The following CMSS1 variants were observed in gnomAD, a reference collection of about 807,000 sequenced individuals.
The protein encoded by CMSS1 is protein CMSS1.
CMSS1 carries 33 observed loss-of-function variants against 43.5 expected under a neutral mutation model. The observed-to-expected ratio is 0.76, with a 90% CI of 0.57 to 1.01. CMSS1 has a LOEUF of 1.01. Ranked by LOEUF, CMSS1 falls within the 50% of genes least tolerant of loss-of-function variation. The pLI is 0.00. For synonymous variants in CMSS1, 115 were observed against 117.2 expected, an observed-to-expected ratio of 0.98 and a Z score of 0.12; for missense variants, 313 against 326.4, an observed-to-expected ratio of 0.96 and a Z score of 0.32.
chr3:99,889,117 TAAAG>T (rs1451147524), intron 1 of CMSS1, among the ~76,000 whole-genome samples: 2 of 152,176 alleles, frequency 1.3e-5, no homozygotes, highest in Non-Finnish European at 2.9e-5. Flanking sequence ...TGTATATAAA[TAAAG>T]CTTGTTAATT....
At chr3:99,975,272 T>C (rs1268407553) in intron 1 of CMSS1, among the ~76,000 whole-genome samples, 3 of 152,198 alleles carry the variant, frequency 2.0e-5, no homozygotes, top group African/African-American at 7.2e-5. Flanking sequence ...TCCTTCTAGT[T>C]CGAGGAACTG....
intron 1 of CMSS1, among the ~76,000 whole-genome samples, chr3:99,841,366 T>C (rs993290674): frequency 1.3e-5 from 2 of 152,214 alleles, no homozygotes; most frequent in African/African-American, 4.8e-5. Context: ...AGAAAAATAA[T>C]GTAGATAACC....
At chr3:100,026,076 GT>G (rs2064915083) in intron 1 of CMSS1, among the ~76,000 whole-genome samples, 1 of 152,110 alleles carries the variant, frequency 6.6e-6, no homozygotes, top group African/African-American at 2.4e-5. Context: ...TGAAAGAGGA[GT>G]TTTTTTCAAG....
intron 6 of CMSS1, among the ~76,000 whole-genome samples, chr3:100,169,260 C>A (rs376068513): frequency 6.6e-6 from 1 of 152,192 alleles, no homozygotes; most frequent in Non-Finnish European, 1.5e-5. Flanking sequence ...CTTGCACATA[C>A]GTTTTCATTT....
At chr3:100,175,660 C>T (rs576598849) in intron 8 of CMSS1, among the ~76,000 whole-genome samples, 1 of 152,244 alleles carries the variant, frequency 6.6e-6, no homozygotes, top group Non-Finnish European at 1.5e-5. Context: ...GTACTGTTAA[C>T]ACAAGAGACG....
At chr3:99,974,391 A>G (rs1708907983) in intron 1 of CMSS1, among the ~76,000 whole-genome samples, 2 of 152,206 alleles carry the variant, frequency 1.3e-5, no homozygotes, top group South Asian at 4.1e-4. Flanking sequence ...TATCAGGTCA[A>G]AAAACTTAGA....
intron 1 of CMSS1, among the ~76,000 whole-genome samples, chr3:100,009,606 G>A (rs776960035): frequency 8.5e-5 from 13 of 152,152 alleles, no homozygotes; most frequent in Non-Finnish European, 1.8e-4. Context: ...ATGAACATCA[G>A]TATTCACTTT....
At chr3:99,997,002 G>A (rs1374509265) in intron 1 of CMSS1, among the ~76,000 whole-genome samples, 1 of 152,166 alleles carries the variant, frequency 6.6e-6, no homozygotes, top group African/African-American at 2.4e-5. Context: ...CACAAGCAGT[G>A]CTAAATGGAA....
chr3:99,984,743 A>G (rs556826653), intron 1 of CMSS1, among the ~76,000 whole-genome samples: 4 of 152,342 alleles, frequency 2.6e-5, no homozygotes, highest in South Asian at 2.1e-4. Context: ...AGAAAGATCT[A>G]TGTTTTACTC....
At chr3:100,002,395 A>T (rs1709868165) in intron 1 of CMSS1, among the ~76,000 whole-genome samples, 1 of 152,208 alleles carries the variant, frequency 6.6e-6, no homozygotes, top group African/African-American at 2.4e-5. Flanking sequence ...TCTGTGGCTT[A>T]GACTGGAGTA....
intron 2 of CMSS1, among the ~76,000 whole-genome samples, chr3:100,157,055 C>G (rs1380055739): frequency 1.3e-5 from 2 of 152,060 alleles, no homozygotes; most frequent in Non-Finnish European, 1.5e-5. Context: ...CATGCCAAGC[C>G]CCCTACTGTT....
At chr3:100,031,028 T>C (rs748319315) in intron 1 of CMSS1, among the ~76,000 whole-genome samples, 8 of 152,206 alleles carry the variant, frequency 5.3e-5, no homozygotes. Context: ...TCTCTGTTAC[T>C]CTCTTCCTAA....
At chr3:99,884,737 T>G (rs1705838047) in intron 1 of CMSS1, among the ~76,000 whole-genome samples, 1 of 152,262 alleles carries the variant, frequency 6.6e-6, no homozygotes, top group Non-Finnish European at 1.5e-5. Context: ...CTATTGCCTA[T>G]TGACTGTTAG....
At chr3:99,999,661 A>G (rs567842642) in intron 1 of CMSS1, among the ~76,000 whole-genome samples, 20 of 152,290 alleles carry the variant, frequency 1.3e-4, no homozygotes, top group African/African-American at 4.8e-4. Context: ...CACATCAAAG[A>G]AGTCTGTCAC....
At chr3:99,825,131 T>C (rs1294632556) in intron 1 of CMSS1, among the ~76,000 whole-genome samples, 1 of 152,248 alleles carries the variant, frequency 6.6e-6, no homozygotes, top group African/African-American at 2.4e-5. Flanking sequence ...TCTCTACATA[T>C]AAAATTCAGA....
rs148942588 is a variant in CMSS1, at chr3:100,076,144, T to A, written c.65-70829T>A. ...TTAAGAAATATATTTGTTAGTTATC[T>A]TGCCCGGAAAACCCTTAAAAATGTA... is the stretch of plus-strand genomic sequence containing the variant. On this transcript the variant is annotated intron_variant, in intron 1 of 9. Coordinates refer to ENST00000421999, the MANE Select transcript of CMSS1 (RefSeq NM_032359.4). Among the ~76,000 whole-genome samples, 1,102 of 152,358 alleles carry A rather than the reference T, an allele frequency of 7.2e-3. 4 individuals carry two copies. Among genetic ancestry groups the A allele is most frequent in the African/African-American group, 0.01 (420 of 41,568 alleles).
At chr3:99,882,596 T>C (rs1195011239) in intron 1 of CMSS1, among the ~76,000 whole-genome samples, 2 of 152,200 alleles carry the variant, frequency 1.3e-5, no homozygotes, top group East Asian at 3.8e-4. Flanking sequence ...CATTTTTAAA[T>C]AGATGAGATA....
At chr3:100,101,497 C>T (rs529120123) in intron 1 of CMSS1, among the ~76,000 whole-genome samples, 19 of 152,276 alleles carry the variant, frequency 1.2e-4, no homozygotes, top group African/African-American at 4.3e-4. Flanking sequence ...CACAACCTTG[C>T]TTTCGGTGAA....
chr3:99,824,905 A>G (rs1021048351), intron 1 of CMSS1, among the ~76,000 whole-genome samples: 10 of 152,176 alleles, frequency 6.6e-5, no homozygotes, highest in African/African-American at 2.4e-4. Context: ...TTTTGTTGTA[A>G]TATCATTTTA....
Sources: gnomAD v4.1 joint callset for allele counts (sites outside exome capture counted in the v4.1 genomes callset) on GRCh38, gnomAD v4.1.1 for gene constraint, MANE v1.5 for transcripts, NCBI Gene and HGNC (gene_info 2026-07-23, HGNC 2026-07-21) for gene names.